The following SV2C variants were observed in gnomAD, a reference collection of about 807,000 sequenced individuals.
SV2C encodes synaptic vesicle glycoprotein 2C, also known as solute carrier family 22 member B3.
A neutral mutation model predicts 79.7 loss-of-function variants in SV2C; 49 were observed. The ratio of observed to expected loss-of-function variants is 0.61; its 90% CI spans 0.49 to 0.78. The LOEUF is 0.78. Among genes scored for constraint, SV2C ranks in the 30% least tolerant of loss-of-function variants. The pLI is 0.00. For missense variants in SV2C, 833 were observed against 912.9 expected (o/e 0.91, Z 1.13); for synonymous variants, 334 against 333.2 (o/e 1.00, Z -0.03).
chr5:76,189,169 T>C (rs566636901), intron 2 of SV2C, among the ~76,000 whole-genome samples: 7 of 152,096 alleles, frequency 4.6e-5, no homozygotes, highest in African/African-American at 1.7e-4. Context: ...CCAGGGTACC[T>C]TGGCACCTTT....
the SV2C span, among the ~76,000 whole-genome samples, chr5:76,040,461 T>C: frequency 6.6e-6 from 1 of 152,218 alleles, no homozygotes; most frequent in Non-Finnish European, 1.5e-5. Context: ...TACCATCATA[T>C]AGAAGATGCA....
chr5:76,268,738 A>G (rs763682687), intron 4 of SV2C, among the ~76,000 whole-genome samples: 2 of 152,242 alleles, frequency 1.3e-5, no homozygotes, highest in Non-Finnish European at 2.9e-5. Context: ...CAAGGGGAAC[A>G]TCACTTCTTT....
At position 76,291,461 on chromosome 5, in the gene SV2C, C is replaced by G. The variant is rs116520674; in HGVS notation, c.1248+130C>G. 4.0e-4 allele frequency: 269 copies of G among 680,892 alleles called. 2 individuals carry two copies. The African/African-American group carries it at 4.4e-3, about 11-fold the overall frequency. The allele number at this position is 680,892 out of a possible 1,614,324, so 42.2% of individuals were successfully genotyped here. Reference sequence around the variant, plus strand: ...CTGCCCAGGACACCTGACTCCTGGACTAGAGCCAGGTAATTGGATCCCACT... The same window carrying G: ...CTGCCCAGGACACCTGACTCCTGGAGTAGAGCCAGGTAATTGGATCCCACT... On this transcript the variant is annotated intron_variant, in intron 7 of 12. Coordinates refer to ENST00000502798, the MANE Select transcript of SV2C (RefSeq NM_014979.4).
intron 1 of SV2C, among the ~76,000 whole-genome samples, chr5:76,124,297 C>T (rs1446123049): frequency 6.6e-6 from 1 of 152,186 alleles, no homozygotes; most frequent in Non-Finnish European, 1.5e-5. Context: ...CTGGCAACCA[C>T]CATTCTATAT....
chr5:76,308,908 C>T (rs1197071103), intron 12 of SV2C, among the ~76,000 whole-genome samples: 1 of 152,156 alleles, frequency 6.6e-6, no homozygotes, highest in Non-Finnish European at 1.5e-5. Context: ...ACCTATGATA[C>T]AACCGTGAGT....
the SV2C span, among the ~76,000 whole-genome samples, chr5:75,944,872 G>T: frequency 6.6e-6 from 1 of 152,010 alleles, no homozygotes; most frequent in African/African-American, 2.4e-5. Context: ...CCACCATTTG[G>T]TGCAGGCACC....
chr5:75,853,372 C>T, the SV2C span, among the ~76,000 whole-genome samples: 4 of 151,390 alleles, frequency 2.6e-5, no homozygotes, highest in African/African-American at 9.7e-5. Context: ...CTGGCTAACA[C>T]GGTGAAACCC....
At chr5:76,097,120 A>G (rs1036922544) in intron 1 of SV2C, among the ~76,000 whole-genome samples, 1 of 152,174 alleles carries the variant, frequency 6.6e-6, no homozygotes, top group African/African-American at 2.4e-5. Flanking sequence ...CCTACAGTGC[A>G]CAATACAGTT....
chr5:76,048,965 G>GAGAAAGAAAGGA, the SV2C span, among the ~76,000 whole-genome samples: 1 of 58,164 alleles, frequency 1.7e-5, no homozygotes, highest in East Asian at 7.7e-4. Flanking sequence ...GAAAGAAAAA[G>GAGAAAGAAAGGA]AGAAAGAAAG....
intron 1 of SV2C, among the ~76,000 whole-genome samples, chr5:76,094,175 T>G (rs566013382): frequency 1.3e-5 from 2 of 152,222 alleles, no homozygotes; most frequent in South Asian, 2.1e-4. Flanking sequence ...GATTTTGTTT[T>G]ATCAATTAAA....
At chr5:76,245,231 T>G (rs1579982265) in intron 4 of SV2C, among the ~76,000 whole-genome samples, 1 of 152,190 alleles carries the variant, frequency 6.6e-6, no homozygotes, top group African/African-American at 2.4e-5. Flanking sequence ...CAATGCCAGA[T>G]TCCCAATAAA....
the SV2C span, among the ~76,000 whole-genome samples, chr5:75,865,649 G>C: frequency 7.2e-4 from 110 of 152,326 alleles, no homozygotes; most frequent in Middle Eastern, 0.01. Context: ...CTTGCCAACT[G>C]TTCAGGAGCC....
At chr5:75,912,712 A>G in the SV2C span, among the ~76,000 whole-genome samples, 1 of 152,162 alleles carries the variant, frequency 6.6e-6, no homozygotes, top group Non-Finnish European at 1.5e-5. Flanking sequence ...GGAAAGCCCT[A>G]TTATGTTTCT....
chr5:76,165,839 G>C (rs558989880), intron 2 of SV2C, among the ~76,000 whole-genome samples: 3 of 152,274 alleles, frequency 2.0e-5, no homozygotes, highest in African/African-American at 7.2e-5. Context: ...GTTGGGGCTG[G>C]GAGAGAGGCA....
chr5:75,914,646 A>G, the SV2C span, among the ~76,000 whole-genome samples: 1 of 152,204 alleles, frequency 6.6e-6, no homozygotes, highest in Non-Finnish European at 1.5e-5. Flanking sequence ...AGTACAATTA[A>G]CTGAAATTTT....
At chr5:76,087,452 G>A in intron 1 of SV2C, among the ~76,000 whole-genome samples, 1 of 152,194 alleles carries the variant, frequency 6.6e-6, no homozygotes, top group South Asian at 2.1e-4. Flanking sequence ...GAAACCAAGA[G>A]AGCTTTCTCT....
chr5:76,094,761 T>C (rs1747494142), intron 1 of SV2C, among the ~76,000 whole-genome samples: 2 of 152,154 alleles, frequency 1.3e-5, no homozygotes, highest in South Asian at 2.1e-4. Flanking sequence ...TGTCTGTTTA[T>C]ATATTTTGCC....
At chr5:75,908,897 A>G in the SV2C span, among the ~76,000 whole-genome samples, 4 of 151,876 alleles carry the variant, frequency 2.6e-5, no homozygotes, top group African/African-American at 9.7e-5. Flanking sequence ...TAGTTGCCTT[A>G]TTTTGCATTG....
chr5:76,350,553 C>T (rs1452456673), intron 12 of SV2C, among the ~76,000 whole-genome samples: 1 of 152,190 alleles, frequency 6.6e-6, no homozygotes, highest in African/African-American at 2.4e-5. Context: ...AGGTTGCTGA[C>T]TGGTGCAAGT....
Sources: gnomAD v4.1 joint callset for allele counts (sites outside exome capture counted in the v4.1 genomes callset) on GRCh38, gnomAD v4.1.1 for gene constraint, MANE v1.5 for transcripts, NCBI Gene and HGNC (gene_info 2026-07-23, HGNC 2026-07-21) for gene names.